The following OR2L13 variants were observed in gnomAD, a reference collection of about 807,000 sequenced individuals.
OR2L13 encodes the protein olfactory receptor family 2 subfamily L member 13, also known as olfactory receptor 2L13.
A neutral mutation model predicts 15.3 loss-of-function variants in OR2L13; 14 were observed. The ratio of observed to expected loss-of-function variants is 0.91; its 90% CI spans 0.60 to 1.43. OR2L13 has a LOEUF of 1.43. Among genes scored for constraint, OR2L13 ranks in the 40% most tolerant of loss-of-function variants. OR2L13 has a pLI of 0.00. For missense variants in OR2L13, 367 were observed against 387.9 expected, an observed-to-expected ratio of 0.95 and a Z score of 0.45; for synonymous variants, 152 against 142.9, an observed-to-expected ratio of 1.06 and a Z score of -0.45.
chr1:248,018,168 A>T, the OR2L13 span, among the ~76,000 whole-genome samples: 1 of 140,464 alleles, frequency 7.1e-6, no homozygotes, highest in Non-Finnish European at 1.5e-5. Flanking sequence ...AATAAAAAAA[A>T]AAATTCGTTA....
the OR2L13 span, among the ~76,000 whole-genome samples, chr1:247,944,296 A>G: frequency 6.6e-6 from 1 of 151,480 alleles, no homozygotes; most frequent in Non-Finnish European, 1.5e-5. Context: ...TTTTTTTAAT[A>G]ATTATTTTAT....
the OR2L13 span, chr1:248,042,133 A>G: frequency 6.6e-6 from 1 of 152,144 alleles, no homozygotes; most frequent in Non-Finnish European, 1.5e-5. Context: ...AGACTGGATT[A>G]AGAAAATGTG....
chr1:248,090,646 G>T (rs115645569), upstream of OR2L13, among the ~76,000 whole-genome samples: 4 of 152,116 alleles, frequency 2.6e-5, no homozygotes, highest in Non-Finnish European at 5.9e-5. Flanking sequence ...ATAGTATTTC[G>T]TGGTGTATAT....
At chr1:247,959,846 A>G in the OR2L13 span, among the ~76,000 whole-genome samples, 1 of 151,986 alleles carries the variant, frequency 6.6e-6, no homozygotes, top group African/African-American at 2.4e-5. Context: ...CCATTCATCT[A>G]ATTTTTTTCA....
chr1:248,059,831 C>A, the OR2L13 span, among the ~76,000 whole-genome samples: 2 of 152,026 alleles, frequency 1.3e-5, no homozygotes, highest in Non-Finnish European at 2.9e-5. Context: ...ATTGGTGAGG[C>A]CAAGAGTTCA....
the OR2L13 span, among the ~76,000 whole-genome samples, chr1:247,967,875 C>T: frequency 2.0e-5 from 3 of 151,938 alleles, no homozygotes; most frequent in South Asian, 2.1e-4. Flanking sequence ...TTCTCCTCCT[C>T]GTCCTTCCTT....
chr1:247,956,152 T>C, the OR2L13 span, among the ~76,000 whole-genome samples: 34 of 150,946 alleles, frequency 2.3e-4, no homozygotes, highest in Non-Finnish European at 4.0e-4. Context: ...AGTTTCAGCT[T>C]TCTACATATG....
chr1:248,003,366 A>G, the OR2L13 span: 2 of 1,608,082 alleles, frequency 1.2e-6, no homozygotes, highest in Non-Finnish European at 1.7e-6. Context: ...ATTGTTCCTA[A>G]GATGGCATCT....
At chr1:248,082,177 T>C in the OR2L13 span, among the ~76,000 whole-genome samples, 9 of 145,710 alleles carry the variant, frequency 6.2e-5, no homozygotes, top group Non-Finnish European at 1.3e-4. Context: ...AAATGATGAG[T>C]TCATGTCCTT....
the OR2L13 span, among the ~76,000 whole-genome samples, chr1:248,000,768 T>A: frequency 1.3e-5 from 2 of 152,084 alleles, no homozygotes; most frequent in Non-Finnish European, 2.9e-5. Flanking sequence ...GATACATAAC[T>A]GTTGCCAGGT....
the OR2L13 span, among the ~76,000 whole-genome samples, chr1:248,008,996 A>G: frequency 2.0e-5 from 3 of 152,208 alleles, no homozygotes; most frequent in Non-Finnish European, 4.4e-5. Context: ...CAATGAGAAC[A>G]AAGACACAAT....
At chr1:248,024,633 A>G in the OR2L13 span, among the ~76,000 whole-genome samples, 1 of 152,176 alleles carries the variant, frequency 6.6e-6, no homozygotes, top group Admixed American at 6.6e-5. Context: ...ATGGCTAGCC[A>G]GTTTTCCCAG....
the OR2L13 span, chr1:247,965,767 C>T: frequency 1.3e-6 from 2 of 1,585,962 alleles, no homozygotes; most frequent in Non-Finnish European, 8.6e-7. Flanking sequence ...TCACCCTTTA[C>T]ATTATCCTAT....
the OR2L13 span, chr1:248,030,297 A>T: frequency 6.6e-6 from 1 of 152,190 alleles, no homozygotes; most frequent in Non-Finnish European, 1.5e-5. Context: ...GACTCTGGCA[A>T]GTGCTTAAGA....
chr1:248,025,744 A>G, the OR2L13 span, among the ~76,000 whole-genome samples: 1 of 151,354 alleles, frequency 6.6e-6, no homozygotes, highest in Non-Finnish European at 1.5e-5. Context: ...TGTGGCACAT[A>G]TACACCATGG....
At chr1:248,048,320 C>A in the OR2L13 span, among the ~76,000 whole-genome samples, 1 of 152,170 alleles carries the variant, frequency 6.6e-6, no homozygotes, top group Non-Finnish European at 1.5e-5. Context: ...TCAACAATTA[C>A]AAATACACAT....
upstream of OR2L13, among the ~76,000 whole-genome samples, chr1:248,096,476 A>G (rs556817428): frequency 2.0e-5 from 3 of 152,350 alleles, no homozygotes; most frequent in Admixed American, 6.5e-5. Context: ...GCTCTCAAAC[A>G]ATGTGACATT....
chr1:248,061,360 A>G, the OR2L13 span: 4 of 1,613,874 alleles, frequency 2.5e-6, no homozygotes, highest in African/African-American at 4.0e-5. Flanking sequence ...TGTCTACCAC[A>G]TGAAATCTGC....
the OR2L13 span, among the ~76,000 whole-genome samples, chr1:248,010,579 T>C: frequency 6.6e-6 from 1 of 151,812 alleles, no homozygotes; most frequent in Non-Finnish European, 1.5e-5. Flanking sequence ...TGTAGGTCTC[T>C]AAGAACTTGC....
Sources: gnomAD v4.1 joint callset for allele counts (sites outside exome capture counted in the v4.1 genomes callset) on GRCh38, gnomAD v4.1.1 for gene constraint, MANE v1.5 for transcripts, NCBI Gene and HGNC (gene_info 2026-07-23, HGNC 2026-07-21) for gene names.